CYP4A11: variants seen among roughly 807,000 people sequenced by gnomAD.
The protein encoded by CYP4A11 is cytochrome P450 4A11.
CYP4A11 carries 52 observed loss-of-function variants against 57.7 expected under a neutral mutation model. The ratio of observed to expected loss-of-function variants is 0.90; its 90% CI spans 0.72 to 1.14. CYP4A11 has a LOEUF of 1.14. Among genes scored for constraint, CYP4A11 ranks in the 50% most tolerant of loss-of-function variants. The pLI is 0.00. For missense variants in CYP4A11, 641 were observed against 642.1 expected (o/e 1.00, Z 0.02); for synonymous variants, 228 against 247.1 (o/e 0.92, Z 0.72).
In CYP4A11 at chr1:46,940,769, T is replaced by C. The variant is rs77745627; in HGVS notation, c.195+470A>G. The C allele has an allele frequency of 1.6e-3, 1,579 of 985,402 alleles. 23 individuals carry two copies. The East Asian group carries it at 0.054, about 34-fold the overall frequency. 61.0% of individuals were successfully genotyped at this position (985,402 alleles called of 1,614,324 possible). ...GCTCCTTTCCTGCAGTCTGACACCT[T>C]CTCAAATTCCTGCCTGTATTCTTCA... On this transcript the variant is annotated intron_variant, in intron 1 of 11. Transcript: ENST00000310638.
At position 46,930,196 on chromosome 1, in the gene CYP4A11, T is replaced by C. The variant is rs765055393; in HGVS notation, c.1479A>G (p.Arg493=). 6.2e-6 allele frequency: 10 copies of C among 1,614,000 alleles called. No individual in the cohort carries two copies. The South Asian group carries it at 1.1e-4, about 18-fold the overall frequency. Residue 493 remains arginine (R), a synonymous_variant, in exon 12 of 12, where the codon CGA becomes CGG. Coordinates refer to ENST00000310638, the MANE Select transcript of CYP4A11 (RefSeq NM_000778.4). The part of the protein sequence containing the change: ...DPTRIPIPIA[R]LVLKSKNGIH... The stretch of plus-strand genomic sequence containing the variant: ...TTCCATTTTTGGATTTCAACACAAG[T>C]CGTGCAATGGGGATGGGGATCCTGG...
chr1:46,935,019 C>T lies in CYP4A11; in HGVS notation c.771G>A (p.Gln257=), dbSNP rs139256503. 325 of 1,613,940 alleles carry T rather than the reference C, an allele frequency of 2.0e-4. 1 individual carries two copies. The Middle Eastern group carries it at 3.1e-3, about 16-fold the overall frequency. The part of the protein sequence containing the change: ...SAGRWTHRAC[Q]LAHQHTDQVI... Reference sequence around the variant, plus strand: ...CAGAACCTGTGTGCTGATGGGCCAGCTGGCAGGCGCGGTGTGTCCAGCGGC... The same window carrying T: ...CAGAACCTGTGTGCTGATGGGCCAGTTGGCAGGCGCGGTGTGTCCAGCGGC... The change falls in exon 6 of 12, where the codon CAG becomes CAA. Residue 257 remains glutamine, a synonymous_variant. Transcript: ENST00000310638.
chr1:46,932,017 C>T (rs1681057413), intron 11 of CYP4A11: 1 of 985,158 alleles, frequency 1.0e-6, no homozygotes, highest in African/African-American at 1.7e-5. Context: ...GTGTACTGTT[C>T]ACATTTTTAT....
At chr1:46,931,655 C>G in intron 11 of CYP4A11, 1 of 682,692 alleles carries the variant, frequency 1.5e-6, no homozygotes, top group Non-Finnish European at 1.8e-6. Flanking sequence ...GATTTGCAGG[C>G]AATGTTTAGG....
rs202214253 is a variant in CYP4A11, at chr1:46,936,744, G to A, written c.430C>T (p.Arg144Trp). Residue 144 changes from arginine to tryptophan, a missense_variant, in exon 4 of 12, where the codon CGG becomes TGG. Coordinates refer to ENST00000310638, the MANE Select transcript of CYP4A11 (RefSeq NM_000778.4). ...TAGTGGAAGGCTGGGGTCAGCATCC[G>A]TCGATGCTGGAACCATGTCTGCCCA... Reference protein sequence around the residue: ...LNGQTWFQHRRMLTPAFHYDI... With the variant: ...LNGQTWFQHRWMLTPAFHYDI... The A allele has an allele frequency of 3.5e-5, 57 of 1,613,712 alleles. No individual in the cohort carries two copies. Among genetic ancestry groups the A allele is most frequent in the Admixed American group, 1.2e-4 (7 of 59,956 alleles).
chr1:46,931,665 G>A (rs1314998507), intron 11 of CYP4A11: 1 of 680,400 alleles, frequency 1.5e-6, no homozygotes, highest in Non-Finnish European at 1.8e-6. Flanking sequence ...CAATGTTTAG[G>A]AGGACTTTCT....
chr1:46,930,457 C>A, intron 11 of CYP4A11, 147 bp from the exon 12 acceptor site: 1 of 912,724 alleles, frequency 1.1e-6, no homozygotes, highest in Non-Finnish European at 1.6e-6. Flanking sequence ...AGCCCATGGA[C>A]ACTTCTACCC....
At chr1:46,932,935 AT>A (rs747676361) in intron 10 of CYP4A11, 47 bp downstream of exon 10, 2 of 1,614,146 alleles carry the variant, frequency 1.2e-6, no homozygotes, top group African/African-American at 2.7e-5. Context: ...AGGAGAAGGT[AT>A]TGGTCTTGAG....
chr1:46,934,338 T>G lies in CYP4A11; in HGVS notation c.926A>C (p.Lys309Thr), dbSNP rs1681239012. 1 of 1,595,068 alleles carries G rather than the reference T, an allele frequency of 6.3e-7. No homozygotes were observed. The highest frequency in any genetic ancestry group is 2.3e-5 in the East Asian group (1 of 44,320). ...KMENGSILSD[K>T]DLRAEVDTFM... ...CGTGTCCACCTCAGCACGGAGGTCC[T>G]TGTCTGACAAGATGCTCCCATTCTC... Residue 309 changes from lysine to threonine, a missense_variant, in exon 8 of 12, where the codon AAG becomes ACG. Coordinates refer to ENST00000310638, the MANE Select transcript of CYP4A11 (RefSeq NM_000778.4).
At chr1:46,933,385 A>G (rs1219226061) in intron 9 of CYP4A11, among the ~76,000 whole-genome samples, 1 of 152,220 alleles carries the variant, frequency 6.6e-6, no homozygotes, top group East Asian at 1.9e-4. Flanking sequence ...CGCTCCAAGT[A>G]AGACATTCTT....
At chr1:46,933,768 G>T in intron 9 of CYP4A11, 178 bp downstream of exon 9, 1 of 1,126,918 alleles carries the variant, frequency 8.9e-7, no homozygotes, top group Non-Finnish European at 1.2e-6. Flanking sequence ...CTTTTGGTGG[G>T]TTCAAGCTCT....
intron 1 of CYP4A11, chr1:46,940,992 C>A: frequency 1.0e-6 from 1 of 985,304 alleles, no homozygotes; most frequent in Non-Finnish European, 1.2e-6. Flanking sequence ...GCAGGACTGC[C>A]AAGACACACT....
rs1403198556 is a variant in CYP4A11, at chr1:46,936,650, A to G, written c.510+14T>C. ...GTGAGTGGGTGTGGGGAGAGGAGAG[A>G]GACATGGACTCACCAGCATCACTCG... On this transcript the variant is annotated intron_variant, in intron 4 of 11. Coordinates refer to ENST00000310638, the MANE Select transcript of CYP4A11 (RefSeq NM_000778.4). 1.3e-6 allele frequency: 2 copies of G among 1,572,990 alleles called. No homozygotes were observed. The highest frequency in any genetic ancestry group is 2.3e-5 in the East Asian group (1 of 43,698).
rs1430571767 is a variant in CYP4A11, at chr1:46,937,352, A to G, written c.338-6T>C. ...GGAACCATGGGATTTCGGGTCTGAA[A>G]GGCAAGAAAGGGCTTTATAGGAAAC... On this transcript the variant is annotated splice_polypyrimidine_tract_variant and splice_region_variant and intron_variant, in intron 2 of 11. Transcript: ENST00000310638. The G allele has an allele frequency of 8.1e-6, 13 of 1,614,032 alleles. No homozygotes were observed. Among genetic ancestry groups the G allele is most frequent in the Non-Finnish European group, 1.0e-5 (12 of 1,179,920 alleles).
intron 5 of CYP4A11, 108 bp downstream of exon 5, chr1:46,935,415 T>C (rs561643197): frequency 6.6e-7 from 1 of 1,517,866 alleles, no homozygotes; most frequent in South Asian, 1.3e-5. Context: ...AGGGACTGAC[T>C]CTTCCTTTGT....
chr1:46,933,223 C>T lies in CYP4A11; in HGVS notation c.1223-176G>A, dbSNP rs9333017. ...TTAGGCTTAACAAAGCATGTGAGTT[C>T]AGATGATGAATAGACAACCATTTAT... is the stretch of plus-strand genomic sequence containing the variant. On this transcript the variant is annotated intron_variant, in intron 9 of 11. Coordinates refer to ENST00000310638, the MANE Select transcript of CYP4A11 (RefSeq NM_000778.4). Among the ~76,000 whole-genome samples, 357 of 152,288 alleles carry T rather than the reference C, an allele frequency of 2.3e-3. 4 individuals carry two copies. The highest frequency in any genetic ancestry group is 8.3e-3 in the African/African-American group (344 of 41,554).
intron 4 of CYP4A11, among the ~76,000 whole-genome samples, 187 bp downstream of exon 4, chr1:46,936,477 C>G (rs1235157401): frequency 1.3e-5 from 2 of 152,238 alleles, no homozygotes; most frequent in African/African-American, 2.4e-5. Context: ...TGGATATGAC[C>G]TGATGCCTGG....
At position 46,932,689 on chromosome 1, in the gene CYP4A11, T is replaced by G. The variant is rs533928859; in HGVS notation, c.1364+72A>C. 1.6e-4 allele frequency: 254 copies of G among 1,612,784 alleles called. 3 individuals carry two copies. The Admixed American group carries it at 4.0e-3, about 26-fold the overall frequency. On this transcript the variant is annotated intron_variant, in intron 11 of 11. Transcript: ENST00000310638. ...AAGATGCCACATATGAACATCAGGC[T>G]CACAAAGATCAGAGGGTTGACCAGA...
chr1:46,935,130 G>T lies in CYP4A11; in HGVS notation c.660C>A (p.Ala220=). The T allele has an allele frequency of 5.6e-6, 9 of 1,614,156 alleles. No individual in the cohort carries two copies. The highest frequency in any genetic ancestry group is 7.6e-6 in the Non-Finnish European group (9 of 1,180,028). ...VDRNSQSYIQ[A]ISDLNNLVFS... is the part of the protein sequence containing the mutation. ...AAACCAGGTTGTTCAGGTCACTAAT[G>T]GCCTGTATGTAGGACTGAGAATTCC... The change falls in exon 6 of 12, where the codon GCC becomes GCA. Residue 220 remains alanine (A), a synonymous_variant. Transcript: ENST00000310638.
Sources: gnomAD v4.1 joint callset for allele counts (sites outside exome capture counted in the v4.1 genomes callset) on GRCh38, gnomAD v4.1.1 for gene constraint, MANE v1.5 for transcripts, NCBI Gene and HGNC (gene_info 2026-07-23, HGNC 2026-07-21) for gene names.